SLC22A25: variants seen among roughly 807,000 people sequenced by gnomAD.
The protein encoded by SLC22A25 is MGI:2442751, MGI:2385316, MGI:3042283, MGI:3645714, MGI:3605624, MGI:2442750.
In SLC22A25, 44 loss-of-function variants were observed where a neutral mutation model predicts 45.9. That is an observed-to-expected ratio of 0.96 (90% CI 0.75 to 1.23). SLC22A25 has a LOEUF of 1.23. SLC22A25 is among the 50% of genes most tolerant of loss of function. The probability of loss-of-function intolerance (pLI) is 0.00; values close to 1 mark genes in which losing one functional copy is unlikely to be tolerated. For synonymous variants in SLC22A25, 283 were observed against 238.6 expected (o/e 1.19, Z -1.72); for missense variants, 800 against 666.4 (o/e 1.20, Z -2.21).
At chr11:63,189,454 G>T (rs992052636) in intron 7 of SLC22A25, among the ~76,000 whole-genome samples, 6 of 152,088 alleles carry the variant, frequency 3.9e-5, no homozygotes, top group Non-Finnish European at 5.9e-5. Flanking sequence ...ACATGACATG[G>T]GTCTCCTGAA....
Position 63,163,364 on chromosome 11 carries a change from C to T in SLC22A25, c.*460G>A, listed in dbSNP as rs1357390671. On this transcript the variant is annotated 3_prime_UTR_variant, in exon 12 of 12. Transcript: ENST00000306494. ...TGAAAATTAGATAGACTGAATCTCACATGTGATACAAAAGGACTTCTCATC... is the reference window on the plus strand; with the variant it reads ...TGAAAATTAGATAGACTGAATCTCATATGTGATACAAAAGGACTTCTCATC... Among the ~76,000 whole-genome samples the T allele has an allele frequency of 6.6e-6, 1 of 152,164 alleles. No individual in the cohort carries two copies. Among genetic ancestry groups the T allele is most frequent in the Admixed American group, 6.6e-5 (1 of 15,266 alleles).
chr11:63,228,460 C>T lies in SLC22A25; in HGVS notation c.506+1G>A, dbSNP rs552636370. On this transcript the variant is annotated splice_donor_variant, in intron 5 of 11. Transcript: ENST00000306494. LOFTEE classifies it high-confidence loss of function. ...GAGAGCTATGCTCCATAGACACTCA[C>T]CTGTCTGACAAATGGCCATATAGGT... 7.1e-5 allele frequency: 113 copies of T among 1,596,646 alleles called. No individual in the cohort carries two copies. The highest frequency in any genetic ancestry group is 2.0e-4 in the Admixed American group (12 of 59,866).
At chr11:63,189,834 G>T (rs1009420894) in intron 7 of SLC22A25, among the ~76,000 whole-genome samples, 2 of 152,162 alleles carry the variant, frequency 1.3e-5, no homozygotes, top group Admixed American at 6.5e-5. Context: ...GAAATTCTGG[G>T]TTGAAAATTC....
At position 63,229,398 on chromosome 11, in the gene SLC22A25, T is replaced by C. The variant is rs765669324; in HGVS notation, c.255A>G (p.Pro85=). 40 of 1,614,022 alleles carry C rather than the reference T, an allele frequency of 2.5e-5. No homozygotes were observed. The highest frequency in any genetic ancestry group is 3.2e-5 in the Non-Finnish European group (38 of 1,179,990). The part of the protein sequence containing the change: ...ISIPFDSNLR[P]EKCRRFVHPQ... ...GATGGACAAAGCGACGACACTTCTC[T>C]GGCCTCAGATTTGAGTCGAATGGGA... The change falls in exon 4 of 12, where the codon CCA becomes CCG. Residue 85 remains proline, a synonymous_variant. Transcript: ENST00000306494.
intron 9 of SLC22A25, chr11:63,166,518 G>A (rs2087690392): frequency 5.1e-6 from 6 of 1,185,844 alleles, no homozygotes; most frequent in South Asian, 3.0e-5. Context: ...TATTTTAAAA[G>A]CAATGGATTT....
chr11:63,200,522 C>A (rs1274719695), intron 7 of SLC22A25, among the ~76,000 whole-genome samples: 1 of 151,774 alleles, frequency 6.6e-6, no homozygotes, highest in Non-Finnish European at 1.5e-5. Flanking sequence ...ATAGTAAGTG[C>A]CATCTATGAC....
intron 5 of SLC22A25, among the ~76,000 whole-genome samples, chr11:63,224,743 C>T (rs544208962): frequency 2.2e-4 from 34 of 152,314 alleles, no homozygotes; most frequent in South Asian, 1.2e-3. Flanking sequence ...TACTTTACCT[C>T]GATCTCTCTG....
Position 63,178,461 on chromosome 11 carries a change from T to G in SLC22A25, c.1070+2199A>C, listed in dbSNP as rs142010123. ...CAGTGTGCAAACATCCCCCTCTATA[T>G]GCATCTTCCCCAGCATTTTTTTTTT... On this transcript the variant is annotated intron_variant, in intron 9 of 11. Coordinates refer to ENST00000306494, the MANE Select transcript of SLC22A25 (RefSeq NM_199352.6). 1.2e-4 allele frequency among the ~76,000 whole-genome samples: 18 copies of G among 145,116 alleles called. No homozygotes were observed. In the East Asian group the frequency reaches 2.2e-3, roughly 18 times the overall value.
intron 7 of SLC22A25, among the ~76,000 whole-genome samples, chr11:63,207,128 T>A (rs1184362912): frequency 6.6e-6 from 1 of 151,984 alleles, no homozygotes; most frequent in Non-Finnish European, 1.5e-5. Context: ...TCAGGATGAA[T>A]TAAAGACTTA....
chr11:63,236,942 T>A (rs897163499), intron 3 of SLC22A25, among the ~76,000 whole-genome samples: 1 of 152,218 alleles, frequency 6.6e-6, no homozygotes, highest in Non-Finnish European at 1.5e-5. Context: ...CTGTTCTCCA[T>A]ATCTTCATTT....
chr11:63,205,795 C>T (rs1049936971), intron 7 of SLC22A25, among the ~76,000 whole-genome samples: 2 of 152,160 alleles, frequency 1.3e-5, no homozygotes, highest in African/African-American at 2.4e-5. Context: ...TCTTCCCAAA[C>T]TCATTTTATG....
At chr11:63,166,926 A>G in intron 9 of SLC22A25, 4 of 896,398 alleles carry the variant, frequency 4.5e-6, no homozygotes, top group Non-Finnish European at 5.3e-6. Context: ...TGCAGCTCCC[A>G]GCGAGAGCAA....
intron 7 of SLC22A25, among the ~76,000 whole-genome samples, chr11:63,213,911 G>A (rs2134807548): frequency 6.6e-6 from 1 of 152,314 alleles, no homozygotes; most frequent in South Asian, 2.1e-4. Flanking sequence ...CGGTAGTCGA[G>A]GCTCAAGCCT....
chr11:63,179,845 C>T (rs910412581), intron 9 of SLC22A25, among the ~76,000 whole-genome samples: 1 of 152,060 alleles, frequency 6.6e-6, no homozygotes, highest in Admixed American at 6.6e-5. Flanking sequence ...TCCTCAGTGA[C>T]CTTAGGCATC....
chr11:63,241,126 T>C (rs2090241239), intron 1 of SLC22A25, among the ~76,000 whole-genome samples: 1 of 152,242 alleles, frequency 6.6e-6, no homozygotes, highest in Non-Finnish European at 1.5e-5. Flanking sequence ...GAAATGTGTG[T>C]GCAAGGGGTT....
At chr11:63,203,421 A>G (rs1247890773) in intron 7 of SLC22A25, among the ~76,000 whole-genome samples, 3 of 152,050 alleles carry the variant, frequency 2.0e-5, no homozygotes, top group Non-Finnish European at 4.4e-5. Context: ...AAAAGGATAG[A>G]TGAATGGCTA....
At chr11:63,174,238 T>G (rs968212084) in intron 9 of SLC22A25, among the ~76,000 whole-genome samples, 1 of 142,172 alleles carries the variant, frequency 7.0e-6, no homozygotes, top group African/African-American at 2.5e-5. Flanking sequence ...AACTCATCCT[T>G]TTTTATGGCT....
intron 9 of SLC22A25, among the ~76,000 whole-genome samples, chr11:63,170,483 A>T (rs2087839399): frequency 6.6e-6 from 1 of 152,188 alleles, no homozygotes; most frequent in African/African-American, 2.4e-5. Context: ...GATATAGGGG[A>T]TATCACCGCT....
rs1252882012 is a variant in SLC22A25, at chr11:63,159,702, G to C, written c.*4122C>G. Among the ~76,000 whole-genome samples the C allele has an allele frequency of 4.2e-3, 1 of 238 alleles. No individual in the cohort carries two copies. Among genetic ancestry groups the C allele is most frequent in the South Asian group, 0.5 (1 of 2 alleles). The allele number at this position is 238 out of a possible 152,430, so 0.2% of individuals were successfully genotyped here. On this transcript the variant is annotated 3_prime_UTR_variant, in exon 12 of 12. Coordinates refer to ENST00000306494, the MANE Select transcript of SLC22A25 (RefSeq NM_199352.6). ...CAAATGTGGAAGCAACTTTGGAACT[G>C]GGGCAATATTTGGAGGGCTCAGAAG...
Sources: allele counts gnomAD v4.1 joint callset (sites outside exome capture counted in the v4.1 genomes callset), GRCh38; gene constraint gnomAD v4.1.1; transcripts MANE v1.5; gene names NCBI Gene and HGNC (gene_info 2026-07-23, HGNC 2026-07-21).